The following LRP1B variants were observed in gnomAD, a reference collection of about 807,000 sequenced individuals.
LRP1B encodes LDL receptor related protein 1B.
LRP1B carries 217 observed loss-of-function variants against 556.6 expected under a neutral mutation model. That is an observed-to-expected ratio of 0.39 (90% CI 0.35 to 0.44). The LOEUF (loss-of-function observed/expected upper bound fraction) is 0.44, where lower values mean the gene tolerates loss of function less well. LRP1B is among the 20% of genes least tolerant of loss of function. The pLI, the probability that LRP1B is intolerant of heterozygous loss-of-function variation, is 1.00. For synonymous variants in LRP1B, 2,047 were observed against 1,865.8 expected, an observed-to-expected ratio of 1.10 and a Z score of -2.50; for missense variants, 5,053 against 5,620.8, an observed-to-expected ratio of 0.90 and a Z score of 3.23.
At chr2:141,071,577 G>A (rs1372848550) in intron 7 of LRP1B, among the ~76,000 whole-genome samples, 2 of 152,144 alleles carry the variant, frequency 1.3e-5, no homozygotes, top group African/African-American at 2.4e-5. Context: ...CCTGTTTGCA[G>A]ATGACATGAC....
intron 1 of LRP1B, among the ~76,000 whole-genome samples, chr2:141,894,665 CTAGATCTAGATCTAGATCT>C (rs1699389817): frequency 6.8e-6 from 1 of 147,078 alleles, no homozygotes; most frequent in Admixed American, 6.8e-5. Context: ...AGATCTAGAT[CTAGATCTAGATCTAGATCT>C]AGATCGAATT....
At chr2:141,285,445 AT>A (rs749012582) in intron 3 of LRP1B, among the ~76,000 whole-genome samples, 250 of 132,196 alleles carry the variant, frequency 1.9e-3, no homozygotes, top group African/African-American at 6.7e-3. Context: ...GGTGAGAATA[AT>A]TTTTTTTTCT....
At chr2:141,435,875 C>T (rs1680745787) in intron 3 of LRP1B, among the ~76,000 whole-genome samples, 1 of 152,140 alleles carries the variant, frequency 6.6e-6, no homozygotes, top group Non-Finnish European at 1.5e-5. Flanking sequence ...CAACATGGGC[C>T]TGGGTGGGAG....
intron 1 of LRP1B, among the ~76,000 whole-genome samples, chr2:141,954,383 C>T (rs772216642): frequency 1.3e-5 from 2 of 152,018 alleles, no homozygotes; most frequent in African/African-American, 4.8e-5. Flanking sequence ...ATCTTAATGC[C>T]AAGCACAGTA....
At chr2:140,400,419 G>C (rs994515955) in intron 66 of LRP1B, among the ~76,000 whole-genome samples, 2 of 152,076 alleles carry the variant, frequency 1.3e-5, no homozygotes, top group Admixed American at 6.6e-5. Context: ...ACCTGATAAT[G>C]TACCCTCTAT....
At chr2:140,466,945 T>C (rs1687572285) in intron 60 of LRP1B, among the ~76,000 whole-genome samples, 1 of 152,222 alleles carries the variant, frequency 6.6e-6, no homozygotes, top group African/African-American at 2.4e-5. Flanking sequence ...TGAATTTATT[T>C]ACTTTGATAC....
chr2:140,691,774 T>C (rs929922067), intron 41 of LRP1B, among the ~76,000 whole-genome samples: 4 of 152,174 alleles, frequency 2.6e-5, no homozygotes, highest in African/African-American at 9.6e-5. Flanking sequence ...GACCAATTAA[T>C]TTACTAATGG....
intron 3 of LRP1B, among the ~76,000 whole-genome samples, chr2:141,396,894 A>G (rs1297906944): frequency 6.6e-6 from 1 of 151,810 alleles, no homozygotes; most frequent in Non-Finnish European, 1.5e-5. Flanking sequence ...AGGTGGATCA[A>G]CTGAGGTCGG....
intron 66 of LRP1B, among the ~76,000 whole-genome samples, chr2:140,389,396 A>C (rs1179223896): frequency 6.6e-6 from 1 of 152,032 alleles, no homozygotes; most frequent in Non-Finnish European, 1.5e-5. Flanking sequence ...GTTTCTCTTT[A>C]GACCCAAAGG....
intron 35 of LRP1B, among the ~76,000 whole-genome samples, chr2:140,733,222 A>G (rs572851615): frequency 6.6e-5 from 10 of 152,280 alleles, no homozygotes; most frequent in Middle Eastern, 3.4e-3. Flanking sequence ...TAGTCAATGT[A>G]TAGTACGAAT....
In LRP1B at chr2:141,307,191, T is replaced by C. The variant is rs563823615; in HGVS notation, c.344-52550A>G. ...ATTTTAATCTAGATGATCTGTCTCA[T>C]GCTGAGAGTAGGGTGTTGAAATCCC... On this transcript the variant is annotated intron_variant, in intron 3 of 90. Coordinates refer to ENST00000389484, the MANE Select transcript of LRP1B (RefSeq NM_018557.3). 2.0e-5 allele frequency among the ~76,000 whole-genome samples: 3 copies of C among 152,266 alleles called. No individual in the cohort carries two copies. The South Asian group carries it at 6.2e-4, about 32-fold the overall frequency.
intron 27 of LRP1B, among the ~76,000 whole-genome samples, chr2:140,857,243 G>A (rs1031137055): frequency 1.3e-5 from 2 of 152,080 alleles, no homozygotes; most frequent in African/African-American, 4.8e-5. Flanking sequence ...AGAATGCCAG[G>A]ATCCAATTTG....
chr2:140,504,882 T>A (rs1416777883), intron 53 of LRP1B, among the ~76,000 whole-genome samples: 2 of 152,218 alleles, frequency 1.3e-5, no homozygotes, highest in Admixed American at 1.3e-4. Context: ...CTTTGCTCCA[T>A]GGCAGTATTT....
intron 21 of LRP1B, among the ~76,000 whole-genome samples, chr2:140,921,584 A>C (rs565911995): frequency 7.2e-5 from 11 of 152,000 alleles, no homozygotes; most frequent in Non-Finnish European, 1.6e-4. Flanking sequence ...ACATGTTCCA[A>C]AAAGACCATT....
intron 11 of LRP1B, among the ~76,000 whole-genome samples, chr2:141,031,959 T>C (rs542099765): frequency 2.0e-5 from 3 of 152,130 alleles, no homozygotes; most frequent in African/African-American, 7.2e-5. Flanking sequence ...TTACCTATAA[T>C]CACATTTCTT....
At chr2:140,651,610 G>A (rs575234747) in intron 41 of LRP1B, among the ~76,000 whole-genome samples, 7 of 150,740 alleles carry the variant, frequency 4.6e-5, no homozygotes, top group African/African-American at 1.5e-4. Context: ...TAGGTAGAGG[G>A]AAGAAAGCAA....
chr2:141,083,477 A>T (rs577487870), intron 7 of LRP1B, among the ~76,000 whole-genome samples: 1 of 152,144 alleles, frequency 6.6e-6, no homozygotes. Context: ...GCAGCATAGC[A>T]TAATGGTTAA....
intron 1 of LRP1B, among the ~76,000 whole-genome samples, chr2:141,921,269 CA>C (rs1321973042): frequency 2.0e-5 from 3 of 151,918 alleles, no homozygotes; most frequent in African/African-American, 7.2e-5. Flanking sequence ...CTTGAATCCA[CA>C]AAAAATTTAG....
In LRP1B at chr2:141,579,876, A is replaced by G. The variant is rs575538491; in HGVS notation, c.206-99343T>C. ...CACCACACCCGGCTAACTTTTTTGT[A>G]TTTTTAGTAGAGACAGGGTTTCACC... On this transcript the variant is annotated intron_variant, in intron 2 of 90. Transcript: ENST00000389484. Among the ~76,000 whole-genome samples the G allele has an allele frequency of 2.0e-5, 3 of 151,788 alleles. No individual in the cohort carries two copies. In the East Asian group the frequency reaches 5.8e-4, roughly 29 times the overall value.
Sources: allele counts gnomAD v4.1 joint callset (sites outside exome capture counted in the v4.1 genomes callset), GRCh38; gene constraint gnomAD v4.1.1; transcripts MANE v1.5; gene names NCBI Gene and HGNC (gene_info 2026-07-23, HGNC 2026-07-21).